GABRB1: variants seen among roughly 807,000 people sequenced by gnomAD.
GABRB1 encodes gamma-aminobutyric acid type A receptor subunit beta1.
Under a neutral mutation model 51.6 loss-of-function variants are expected in GABRB1, and 17 were observed. The observed-to-expected ratio is 0.33, with a 90% confidence interval of 0.23 to 0.49. The LOEUF (loss-of-function observed/expected upper bound fraction) is 0.49. Ranked by LOEUF, GABRB1 falls within the 20% of genes least tolerant of loss-of-function variation. The probability of loss-of-function intolerance (pLI) is 0.99; values close to 1 mark genes in which losing one functional copy is unlikely to be tolerated. For synonymous variants in GABRB1, 247 were observed against 218.9 expected, an observed-to-expected ratio of 1.13 and a Z score of -1.14; for missense variants, 410 against 600.6, an observed-to-expected ratio of 0.68 and a Z score of 3.32.
chr4:47,250,833 T>C (rs1405026828), intron 4 of GABRB1, among the ~76,000 whole-genome samples: 1 of 152,194 alleles, frequency 6.6e-6, no homozygotes, highest in Non-Finnish European at 1.5e-5. Context: ...TTTCCTTGAA[T>C]GGTTCTCCCT....
At chr4:47,282,722 T>C (rs1723338754) in intron 4 of GABRB1, among the ~76,000 whole-genome samples, 1 of 152,226 alleles carries the variant, frequency 6.6e-6, no homozygotes, top group Admixed American at 6.5e-5. Context: ...TTGAATCAAA[T>C]TTCTAAAATT....
intron 4 of GABRB1, among the ~76,000 whole-genome samples, chr4:47,247,969 T>C (rs1023857235): frequency 6.6e-6 from 1 of 152,138 alleles, no homozygotes; most frequent in African/African-American, 2.4e-5. Context: ...AGTGACAGTT[T>C]AAATTCCTCT....
chr4:47,260,303 A>G (rs1259444181), intron 4 of GABRB1, among the ~76,000 whole-genome samples: 1 of 152,044 alleles, frequency 6.6e-6, no homozygotes, highest in Non-Finnish European at 1.5e-5. Context: ...GTGTCTTTTA[A>G]TTGGAGCATT....
At chr4:47,122,147 C>G (rs1715805783) in intron 3 of GABRB1, among the ~76,000 whole-genome samples, 1 of 152,140 alleles carries the variant, frequency 6.6e-6, no homozygotes, top group Non-Finnish European at 1.5e-5. Flanking sequence ...TAACACTGCC[C>G]TGAGCTTATA....
intron 4 of GABRB1, among the ~76,000 whole-genome samples, chr4:47,221,726 A>G (rs993900893): frequency 6.6e-6 from 1 of 152,016 alleles, no homozygotes; most frequent in Non-Finnish European, 1.5e-5. Flanking sequence ...TGCAGGGTGA[A>G]TATCTCCATC....
In GABRB1 at chr4:47,301,578, G is replaced by A. The variant is rs1420398509; in HGVS notation, c.462-18549G>A. On this transcript the variant is annotated intron_variant, in intron 4 of 8. Transcript: ENST00000295454. ...GAGCCCAGGAAGTTGAGGCTACAGT[G>A]AGTCATGATCACACCATTGCACTCC... Among the ~76,000 whole-genome samples the A allele has an allele frequency of 2.7e-5, 4 of 150,622 alleles. No individual in the cohort carries two copies. The East Asian group carries it at 5.9e-4, about 22-fold the overall frequency.
chr4:47,167,313 C>A (rs773685983), intron 4 of GABRB1, among the ~76,000 whole-genome samples: 1 of 152,016 alleles, frequency 6.6e-6, no homozygotes, highest in Non-Finnish European at 1.5e-5. Context: ...CAGCCATGTG[C>A]GCGCTGAAAC....
chr4:47,055,997 C>T (rs1240610045), intron 3 of GABRB1, among the ~76,000 whole-genome samples: 7 of 152,104 alleles, frequency 4.6e-5, no homozygotes, highest in African/African-American at 1.7e-4. Context: ...AAGTCCTAAA[C>T]CAAGGTTAAA....
intron 3 of GABRB1, among the ~76,000 whole-genome samples, chr4:47,087,725 G>T (rs1399488635): frequency 2.0e-5 from 3 of 152,146 alleles, no homozygotes; most frequent in Non-Finnish European, 4.4e-5. Context: ...ATAGCATGTA[G>T]ATGAATCAGA....
intron 3 of GABRB1, among the ~76,000 whole-genome samples, chr4:47,074,265 T>C (rs1727461594): frequency 6.6e-6 from 1 of 152,188 alleles, no homozygotes; most frequent in Admixed American, 6.5e-5. Flanking sequence ...ACATATGTAA[T>C]ATGCTCAAAC....
intron 3 of GABRB1, among the ~76,000 whole-genome samples, chr4:47,160,467 G>T (rs982059691): frequency 6.6e-6 from 1 of 152,094 alleles, no homozygotes; most frequent in East Asian, 1.9e-4. Context: ...TGTGTTAAAC[G>T]AGCAGTGTTC....
intron 4 of GABRB1, among the ~76,000 whole-genome samples, chr4:47,233,156 G>A (rs1721204985): frequency 6.6e-6 from 1 of 152,110 alleles, no homozygotes; most frequent in Non-Finnish European, 1.5e-5. Flanking sequence ...GATTACAGGC[G>A]TGATCCACCA....
At chr4:47,175,636 T>C (rs1418240417) in intron 4 of GABRB1, among the ~76,000 whole-genome samples, 1 of 152,178 alleles carries the variant, frequency 6.6e-6, no homozygotes, top group Non-Finnish European at 1.5e-5. Flanking sequence ...ATGATTAAGG[T>C]TCTTCAACAG....
intron 3 of GABRB1, among the ~76,000 whole-genome samples, chr4:47,123,451 A>G (rs1432920251): frequency 1.9e-5 from 2 of 104,846 alleles, no homozygotes; most frequent in Non-Finnish European, 3.6e-5. Context: ...TATTTTATAT[A>G]TTATAATATA....
intron 5 of GABRB1, among the ~76,000 whole-genome samples, chr4:47,385,855 A>T (rs1182867099): frequency 1.3e-5 from 2 of 152,316 alleles, no homozygotes; most frequent in East Asian, 3.9e-4. Flanking sequence ...GGAATGTCTC[A>T]CAGAACTCAG....
chr4:47,357,116 A>T (rs963929693), intron 5 of GABRB1, among the ~76,000 whole-genome samples: 10 of 152,350 alleles, frequency 6.6e-5, no homozygotes, highest in Admixed American at 5.2e-4. Context: ...TTGTAATAAG[A>T]TGTTTTCCCT....
At chr4:47,187,137 T>A (rs1223020917) in intron 4 of GABRB1, among the ~76,000 whole-genome samples, 1 of 151,856 alleles carries the variant, frequency 6.6e-6, no homozygotes, top group Admixed American at 6.6e-5. Flanking sequence ...CAACGAAGCA[T>A]ACTTAGCTAC....
chr4:47,309,839 C>T (rs1328984590), intron 4 of GABRB1, among the ~76,000 whole-genome samples: 1 of 152,108 alleles, frequency 6.6e-6, no homozygotes, highest in African/African-American at 2.4e-5. Flanking sequence ...AATATGGCCA[C>T]ATGTTACTCT....
intron 4 of GABRB1, among the ~76,000 whole-genome samples, chr4:47,260,802 G>C: frequency 6.6e-6 from 1 of 151,916 alleles, no homozygotes; most frequent in Non-Finnish European, 1.5e-5. Flanking sequence ...AATCCTCAAT[G>C]AAATACTGGC....
Sources: allele counts gnomAD v4.1 joint callset (sites outside exome capture counted in the v4.1 genomes callset), GRCh38; gene constraint gnomAD v4.1.1; transcripts MANE v1.5; gene names NCBI Gene and HGNC (gene_info 2026-07-23, HGNC 2026-07-21).